The following CHODL variants were observed in gnomAD, a reference collection of about 807,000 sequenced individuals.
CHODL encodes the protein chondrolectin.
A neutral mutation model predicts 34.5 loss-of-function variants in CHODL; 29 were observed. The observed-to-expected ratio is 0.84, with a 90% CI of 0.63 to 1.15. The LOEUF is 1.15. CHODL is among the 50% of genes most tolerant of loss of function. The probability of loss-of-function intolerance (pLI) is 0.00; values close to 1 mark genes in which losing one functional copy is unlikely to be tolerated. For missense variants in CHODL, 332 were observed against 332.5 expected (o/e 1.00, Z 0.01); for synonymous variants, 125 against 116.1 (o/e 1.08, Z -0.49).
intron 1 of CHODL, among the ~76,000 whole-genome samples, chr21:17,941,700 A>G (rs963849842): frequency 2.8e-4 from 43 of 152,198 alleles, no homozygotes; most frequent in African/African-American, 8.9e-4. Flanking sequence ...TTATTTTTCT[A>G]CTACATACCT....
intron 1 of CHODL, among the ~76,000 whole-genome samples, chr21:17,940,297 CAA>C (rs1467398261): frequency 6.6e-6 from 1 of 152,142 alleles, no homozygotes; most frequent in Admixed American, 6.5e-5. Context: ...AATCTGGAAA[CAA>C]TCCCATTTTC....
intron 2 of CHODL, among the ~76,000 whole-genome samples, chr21:18,184,014 G>A (rs2073412441): frequency 6.6e-6 from 1 of 151,994 alleles, no homozygotes; most frequent in Admixed American, 6.6e-5. Flanking sequence ...CTTTTCAAAT[G>A]CTTATTTTTA....
intron 1 of CHODL, among the ~76,000 whole-genome samples, chr21:17,955,547 A>G (rs1246066921): frequency 7.3e-6 from 1 of 137,162 alleles, no homozygotes; most frequent in African/African-American, 2.5e-5. Context: ...AAAATTCTGC[A>G]TAATGACTCT....
intron 2 of CHODL, among the ~76,000 whole-genome samples, chr21:18,045,113 G>A (rs2064426045): frequency 6.6e-6 from 1 of 151,914 alleles, no homozygotes; most frequent in Admixed American, 6.6e-5. Context: ...ATCAAGGAAG[G>A]ACTAAGAACA....
chr21:18,207,008 T>A (rs2073719875), intron 2 of CHODL, among the ~76,000 whole-genome samples: 1 of 152,110 alleles, frequency 6.6e-6, no homozygotes, highest in Admixed American at 6.5e-5. Context: ...TTACATTAGG[T>A]ATTTCTCCTA....
intron 2 of CHODL, among the ~76,000 whole-genome samples, chr21:18,098,591 T>C (rs2065170114): frequency 6.6e-6 from 1 of 152,210 alleles, no homozygotes; most frequent in African/African-American, 2.4e-5. Flanking sequence ...CTGGTGAGAA[T>C]GTGGAGAGAA....
intron 2 of CHODL, among the ~76,000 whole-genome samples, chr21:18,194,603 T>TAAA (rs35092206): frequency 6.9e-6 from 1 of 145,178 alleles, no homozygotes; most frequent in Non-Finnish European, 1.5e-5. Context: ...GAGTTACTCT[T>TAAA]AAAAAAAAAA....
chr21:18,067,173 A>G (rs187802923), intron 2 of CHODL, among the ~76,000 whole-genome samples: 392 of 152,256 alleles, frequency 2.6e-3, no homozygotes, highest in Non-Finnish European at 4.4e-3. Context: ...AAGATGTCTG[A>G]GCTAGTGGGA....
At chr21:17,980,379 T>C (rs930278672) in intron 1 of CHODL, among the ~76,000 whole-genome samples, 5 of 152,208 alleles carry the variant, frequency 3.3e-5, no homozygotes, top group African/African-American at 1.2e-4. Flanking sequence ...CTCCAGTAAA[T>C]GAGAATAATA....
intron 1 of CHODL, among the ~76,000 whole-genome samples, chr21:18,255,001 T>C (rs2074299547): frequency 6.6e-6 from 1 of 152,094 alleles, no homozygotes; most frequent in South Asian, 2.1e-4. Flanking sequence ...TTGAAATAAA[T>C]TGATTTTCAG....
At chr21:18,234,237 C>T (rs187318091) in intron 2 of CHODL, among the ~76,000 whole-genome samples, 13 of 152,162 alleles carry the variant, frequency 8.5e-5, no homozygotes, top group Admixed American at 6.5e-4. Flanking sequence ...TGATGTTTGC[C>T]GGATGAATGT....
chr21:18,062,622 C>T (rs1236850934), intron 2 of CHODL, among the ~76,000 whole-genome samples: 3 of 151,998 alleles, frequency 2.0e-5, no homozygotes, highest in Non-Finnish European at 4.4e-5. Context: ...AAAAATTAGC[C>T]CGATGTGGTG....
intron 2 of CHODL, among the ~76,000 whole-genome samples, chr21:18,089,696 C>A (rs1177851089): frequency 6.6e-6 from 1 of 152,142 alleles, no homozygotes; most frequent in Non-Finnish European, 1.5e-5. Flanking sequence ...AGGTGCATAT[C>A]TTTTCTTTCT....
chr21:18,095,716 G>T (rs2146536183), intron 2 of CHODL, among the ~76,000 whole-genome samples: 1 of 152,248 alleles, frequency 6.6e-6, no homozygotes, highest in East Asian at 1.9e-4. Context: ...AAAACTGTAG[G>T]CCAATATCTC....
intron 2 of CHODL, among the ~76,000 whole-genome samples, chr21:18,042,366 C>A (rs1024613751): frequency 6.6e-6 from 1 of 151,856 alleles, no homozygotes; most frequent in Non-Finnish European, 1.5e-5. Context: ...AATATATCCT[C>A]ATACCTCAGA....
Position 18,262,820 on chromosome 21 carries a change from A to T in CHODL, c.664A>T (p.Ile222Leu), listed in dbSNP as rs765606559. The change falls in exon 5 of 6, where the codon ATA becomes TTA. Residue 222 changes from isoleucine to leucine, a missense_variant. By Grantham distance (5) the Ile-to-Leu change is conservative (BLOSUM62 2). Coordinates refer to ENST00000299295, the MANE Select transcript of CHODL (RefSeq NM_024944.3). ...AATTCCCAATCTAATTTATGTTGTT[A>T]TACCAACAATACCCCTGCTCTTACT... ...GIIPNLIYVV[I>L]PTIPLLLLIL... 1.2e-6 allele frequency: 2 copies of T among 1,605,066 alleles called. No homozygotes were observed. The highest frequency in any genetic ancestry group is 2.2e-5 in the South Asian group (2 of 90,818).
At chr21:18,190,896 G>A (rs1018621681) in intron 2 of CHODL, among the ~76,000 whole-genome samples, 5 of 152,062 alleles carry the variant, frequency 3.3e-5, no homozygotes, top group East Asian at 1.9e-4. Context: ...CTTGATATTC[G>A]TGAAGTCCAA....
chr21:17,982,696 C>CTTTTTTTTTTTTTTT (rs397867753), intron 1 of CHODL, among the ~76,000 whole-genome samples: 2 of 62,980 alleles, frequency 3.2e-5, no homozygotes, highest in African/African-American at 6.7e-5. Flanking sequence ...TATATATATT[C>CTTTTTTTTTTTTTTT]TTTTTTTTTT....
rs2074259578 is a variant in CHODL, at chr21:18,251,769, T to G, written c.80-4740T>G. 3.5e-5 allele frequency among the ~76,000 whole-genome samples: 5 copies of G among 143,572 alleles called. No individual in the cohort carries two copies. In the South Asian group the frequency reaches 1.1e-3, roughly 30 times the overall value. 94.2% of individuals were successfully genotyped at this position (143,572 alleles called of 152,430 possible). On this transcript the variant is annotated intron_variant, in intron 1 of 5. Transcript: ENST00000299295. ...TATTTATTTATTTTAATATATAAAA[T>G]AAATATTTATATACTTTATATAAAG... is the stretch of plus-strand genomic sequence containing the variant.
Sources: allele counts gnomAD v4.1 joint callset (sites outside exome capture counted in the v4.1 genomes callset), GRCh38; gene constraint gnomAD v4.1.1; transcripts MANE v1.5; gene names NCBI Gene and HGNC (gene_info 2026-07-23, HGNC 2026-07-21).